MIB2: variants seen among roughly 807,000 people sequenced by gnomAD.
MIB2 encodes E3 ubiquitin-protein ligase MIB2.
A neutral mutation model predicts 96.6 loss-of-function variants in MIB2; 78 were observed. The ratio of observed to expected loss-of-function variants is 0.81; its 90% confidence interval spans 0.67 to 0.97. The LOEUF is 0.97. Ranked by LOEUF, MIB2 falls within the 50% of genes least tolerant of loss-of-function variation. The probability of loss-of-function intolerance (pLI) is 0.00; values close to 1 mark genes in which losing one functional copy is unlikely to be tolerated. For synonymous variants in MIB2, 820 were observed against 629.5 expected (o/e 1.30, Z -4.53); for missense variants, 1,543 against 1,424.0 (o/e 1.08, Z -1.35).
upstream of MIB2, chr1:1,614,348 C>A (rs561022629): frequency 6.6e-6 from 1 of 152,272 alleles, no homozygotes; most frequent in Non-Finnish European, 1.5e-5. Flanking sequence ...TTCCTCAGGA[C>A]TGCAGTATTC....
chr1:1,616,076 C>T (rs983823677), intron 1 of MIB2: 2 of 984,142 alleles, frequency 2.0e-6, no homozygotes, highest in African/African-American at 1.8e-5. Context: ...GGGACGGAAA[C>T]GTCCGGGCAA....
At chr1:1,621,200 T>G (rs1205909740) in intron 2 of MIB2, among the ~76,000 whole-genome samples, 1 of 152,172 alleles carries the variant, frequency 6.6e-6, no homozygotes, top group Non-Finnish European at 1.5e-5. Context: ...GCGAGGGGAA[T>G]AGTGCCACAG....
At chr1:1,628,795 C>G in intron 16 of MIB2, 73 bp downstream of exon 16, 1 of 1,241,258 alleles carries the variant, frequency 8.1e-7, no homozygotes, top group Non-Finnish European at 1.1e-6. Flanking sequence ...AGGGCCTGTG[C>G]CACTGTCCAC....
In MIB2 at chr1:1,627,067, C is replaced by T; in HGVS notation, c.1241-7C>T. 5 of 1,599,850 alleles carry T rather than the reference C, an allele frequency of 3.1e-6. No homozygotes were observed. The highest frequency in any genetic ancestry group is 4.3e-6 in the Non-Finnish European group (5 of 1,173,646). The stretch of plus-strand genomic sequence containing the variant: ...CTGGCCACCACTAACCTCAGCCCTG[C>T]CCCCAGGCTCACTGAGCGTGGCCCT... On this transcript the variant is annotated splice_polypyrimidine_tract_variant and splice_region_variant and intron_variant, in intron 10 of 19. Coordinates refer to ENST00000355826, the MANE Select transcript of MIB2 (RefSeq NM_001170687.4).
chr1:1,616,990 C>G (rs1355158459), intron 2 of MIB2: 1 of 235,100 alleles, frequency 4.3e-6, no homozygotes, highest in Non-Finnish European at 8.5e-6. Context: ...AGTGGGATGA[C>G]ACCCCAGCCT....
At chr1:1,617,412 G>A (rs1643859240) in intron 2 of MIB2, 1 of 152,250 alleles carries the variant, frequency 6.6e-6, no homozygotes, top group Non-Finnish European at 1.5e-5. Context: ...CCTGACTGAT[G>A]GTTCGGAAGT....
rs1380860148 is a variant in MIB2, at chr1:1,625,793, TGGTGGGTGGA to T, written c.972+150_972+159del. 1.5e-4 allele frequency: 107 copies of T among 698,204 alleles called. No individual in the cohort carries two copies. Among genetic ancestry groups the T allele is most frequent in the Middle Eastern group, 4.0e-4 (1 of 2,500 alleles). 43.3% of individuals were successfully genotyped at this position (698,204 alleles called of 1,614,324 possible). A position where few individuals can be genotyped will look rare whatever the true frequency, so the allele number is the denominator to read the frequency against. ...CCAGCCCTGAAGGAAGGGGAGGGAC[TGGTGGGTGGA>T]GGTGGGTGGGGTCAAGGAGAAGAGG... On this transcript the variant is annotated intron_variant, in intron 8 of 19. Transcript: ENST00000355826. This position sits in a 1 kb window ranked among gnomAD's most constrained non-coding sequence, Gnocchi z 5.0.
Position 1,626,798 on chromosome 1 carries a change from A to G in MIB2, c.1078-39A>G, listed in dbSNP as rs771884695. The G allele has an allele frequency of 6.7e-6, 10 of 1,495,702 alleles. No homozygotes were observed. In the African/African-American group the frequency reaches 1.3e-4, roughly 20 times the overall value. The allele number at this position is 1,495,702 out of a possible 1,614,324, so 92.7% of individuals were successfully genotyped here. A position where few individuals can be genotyped will look rare whatever the true frequency, so the allele number is the denominator to read the frequency against. On this transcript the variant is annotated intron_variant, in intron 9 of 19. Transcript: ENST00000355826. This position sits in a 1 kb window ranked among gnomAD's most constrained non-coding sequence, Gnocchi z 5.3. ...CCCGCCGCTAGCGCCGCTGCCCCCC[A>G]CACCTGCAGCCTGCTGTGACCCCCT... is the stretch of plus-strand genomic sequence containing the variant.
intron 12 of MIB2, 27 bp downstream of exon 12, chr1:1,627,471 C>T (rs542568237): frequency 2.5e-5 from 39 of 1,582,200 alleles, no homozygotes; most frequent in South Asian, 1.3e-4. Context: ...GCCCGGCCGG[C>T]GGGGCTGAGC....
Position 1,630,604 on chromosome 1 carries a change from G to T in MIB2, c.*74G>T, listed in dbSNP as rs1033664960. 7.9e-6 allele frequency: 10 copies of T among 1,260,342 alleles called. No individual in the cohort carries two copies. Among genetic ancestry groups the T allele is most frequent in the Admixed American group, 2.8e-5 (1 of 36,016 alleles). 78.1% of individuals were successfully genotyped at this position (1,260,342 alleles called of 1,614,324 possible). On this transcript the variant is annotated 3_prime_UTR_variant, in exon 20 of 20. Transcript: ENST00000355826. Reference sequence around the variant, plus strand: ...TGTTTTATAAAAAGAAAGATTCTCGGACGTTGCCTCTGCTGTCTGCCTGGG... The same window carrying T: ...TGTTTTATAAAAAGAAAGATTCTCGTACGTTGCCTCTGCTGTCTGCCTGGG...
chr1:1,627,586 G>A (rs1233638111), intron 12 of MIB2, 87 bp from the exon 13 acceptor site: 9 of 1,505,302 alleles, frequency 6.0e-6, no homozygotes, highest in South Asian at 2.5e-5. Context: ...GAGCCTGTGC[G>A]TCCTGGGGTC....
intron 15 of MIB2, 40 bp from the exon 16 acceptor site, chr1:1,628,449 C>T (rs773368716): frequency 4.4e-6 from 7 of 1,597,934 alleles, no homozygotes; most frequent in Admixed American, 1.7e-5. Context: ...GGGAGGCCCA[C>T]TGGGGTCCCT....
rs1557606388 is a variant in MIB2 at position 1,627,462 on chromosome 1, C to CCCGG, written c.1523+24_1523+27dup. ...GCCCTGGGGTGAGGCCTGGGAGGGG[C>CCCGG]CCGGCCGGCGGGGCTGAGCCTGTGC... On this transcript the variant is annotated intron_variant, in intron 12 of 19. Coordinates refer to ENST00000355826, the MANE Select transcript of MIB2 (RefSeq NM_001170687.4). The CCCGG allele has an allele frequency of 2.5e-6, 4 of 1,595,300 alleles. No homozygotes were observed. Among genetic ancestry groups the CCCGG allele is most frequent in the Admixed American group, 1.7e-5 (1 of 59,248 alleles).
chr1:1,629,126 C>T lies in MIB2; in HGVS notation c.2203-7C>T, dbSNP rs1177729802. ...CCGCCCTCACCGGCGTCTGTCCTGC[C>T]GCCCAGCTACAGGCCTCGGGCCTCC... On this transcript the variant is annotated splice_polypyrimidine_tract_variant and splice_region_variant and intron_variant, in intron 16 of 19. Transcript: ENST00000355826. The T allele has an allele frequency of 2.6e-5, 38 of 1,479,006 alleles. No individual in the cohort carries two copies. Among genetic ancestry groups the T allele is most frequent in the Admixed American group, 1.4e-4 (6 of 42,008 alleles). The allele number at this position is 1,479,006 out of a possible 1,614,324, so 91.6% of individuals were successfully genotyped here. A position where few individuals can be genotyped will look rare whatever the true frequency, so the allele number is the denominator to read the frequency against.
At chr1:1,617,571 G>A (rs1484396800) in intron 2 of MIB2, 1 of 152,212 alleles carries the variant, frequency 6.6e-6, no homozygotes, top group Non-Finnish European at 1.5e-5. Flanking sequence ...AGCCTGGCTT[G>A]CTGGCTGCCC....
At position 1,623,564 on chromosome 1, in the gene MIB2, G is replaced by T; in HGVS notation, c.112G>T (p.Glu38Ter). The change falls in exon 3 of 20, where the codon GAG (glutamate) becomes TAG (stop). Residue 38 changes from glutamate to a stop codon, truncating the protein, a stop_gained. Transcript: ENST00000355826. LOFTEE classifies it high-confidence loss of function. Reference protein sequence around the residue: ...GGEGGVGTVVELGRHGSPSTP... With the variant: ...GGEGGVGTVV ...CGAGGGCGGCGTGGGCACGGTGGTGGAGCTTGGCCGCCACGGCAGCCCCTC... is the reference window on the plus strand; with the variant it reads ...CGAGGGCGGCGTGGGCACGGTGGTGTAGCTTGGCCGCCACGGCAGCCCCTC... 1 of 1,524,362 alleles carries T rather than the reference G, an allele frequency of 6.6e-7. No homozygotes were observed. Among genetic ancestry groups the T allele is most frequent in the Non-Finnish European group, 8.8e-7 (1 of 1,137,036 alleles). 94.4% of individuals were successfully genotyped at this position (1,524,362 alleles called of 1,614,324 possible).
At position 1,625,673 on chromosome 1, in the gene MIB2, G is replaced by A. The variant is rs1396050005; in HGVS notation, c.972+20G>A. On this transcript the variant is annotated intron_variant, in intron 8 of 19. Coordinates refer to ENST00000355826, the MANE Select transcript of MIB2 (RefSeq NM_001170687.4). This position sits in a 1 kb window ranked among gnomAD's most constrained non-coding sequence, Gnocchi z 5.0. ...ACCAAGGTGCCGGGGGGGCTGGGCT[G>A]CGCCTCATCTGCTTGCTTCTGTAAC... 1 of 1,541,204 alleles carries A rather than the reference G, an allele frequency of 6.5e-7. No homozygotes were observed. Among genetic ancestry groups the A allele is most frequent in the Non-Finnish European group, 8.8e-7 (1 of 1,138,998 alleles).
upstream of MIB2, chr1:1,615,382 AG>A (rs994061243): frequency 2.5e-5 from 36 of 1,430,118 alleles, no homozygotes; most frequent in Admixed American, 7.3e-4. Flanking sequence ...TGCGCCACGC[AG>A]GGTAGGCGAC....
intron 2 of MIB2, chr1:1,623,197 C>T (rs1292038444): frequency 1.6e-6 from 1 of 638,444 alleles, no homozygotes; most frequent in Non-Finnish European, 2.5e-6. Flanking sequence ...CCCAGACCAC[C>T]CTGCAGTTCC....
Sources: allele counts gnomAD v4.1 joint callset (sites outside exome capture counted in the v4.1 genomes callset), GRCh38; gene constraint gnomAD v4.1.1; non-coding constraint Gnocchi (gnomAD v3.1); transcripts MANE v1.5; gene names NCBI Gene and HGNC (gene_info 2026-07-23, HGNC 2026-07-21).